The following SYNE1 variants were observed in gnomAD, a reference collection of about 807,000 sequenced individuals.
SYNE1 encodes the protein nesprin-1.
SYNE1 carries 616 observed loss-of-function variants against 1,111.0 expected under a neutral mutation model. The ratio of observed to expected loss-of-function variants is 0.55; its 90% CI spans 0.52 to 0.59. SYNE1 has a LOEUF of 0.59. Ranked by LOEUF, SYNE1 falls within the 20% of genes least tolerant of loss-of-function variation. SYNE1 has a pLI of 0.00. For missense variants in SYNE1, 10,006 were observed against 10,417.0 expected, an observed-to-expected ratio of 0.96 and a Z score of 1.72; for synonymous variants, 3,855 against 3,825.8, an observed-to-expected ratio of 1.01 and a Z score of -0.28.
At chr6:152,145,923 T>G (rs2747663) in intron 137 of SYNE1, 113,442 of 321,190 alleles carry the variant, frequency 0.35, 21,103 homozygotes, top group Admixed American at 0.47. Context: ...TACATGGGAG[T>G]CTGAGGCAGG....
At chr6:152,341,806 T>A (rs1254497789) in intron 74 of SYNE1, among the ~76,000 whole-genome samples, 1 of 152,166 alleles carries the variant, frequency 6.6e-6, no homozygotes, top group African/African-American at 2.4e-5. Context: ...GAAACAACTT[T>A]TGTTCTCATC....
chr6:152,409,751 C>T, intron 42 of SYNE1, 42 bp from the exon 43 acceptor site: 1 of 1,607,862 alleles, frequency 6.2e-7, no homozygotes, highest in African/African-American at 1.3e-5. Flanking sequence ...TGTCATGTAT[C>T]AGGAAAAGGG....
At chr6:152,596,267 T>G (rs1262862376) in intron 3 of SYNE1, among the ~76,000 whole-genome samples, 5 of 82,766 alleles carry the variant, frequency 6.0e-5, no homozygotes, top group African/African-American at 2.3e-4. Flanking sequence ...TTTTTGTTTG[T>G]TTGTTTTTTT....
At chr6:152,269,386 A>C in intron 98 of SYNE1, 100 bp from the exon 99 acceptor site, 1 of 1,588,936 alleles carries the variant, frequency 6.3e-7, no homozygotes, top group South Asian at 1.1e-5. Context: ...TAATGATACC[A>C]AAGTGGCTCC....
In SYNE1 at chr6:152,395,765, A is replaced by T. The variant is rs573168637; in HGVS notation, c.7557-94T>A. On this transcript the variant is annotated intron_variant, in intron 50 of 145. Coordinates refer to ENST00000367255, the MANE Select transcript of SYNE1 (RefSeq NM_182961.4). ...AGGTCACAATGTCTTTTAAATGGCA[A>T]TTAAGACCTCATGAATGTTCAAGTG... 1,684 of 1,325,554 alleles carry T rather than the reference A, an allele frequency of 1.3e-3. 6 individuals carry two copies. Among genetic ancestry groups the T allele is most frequent in the Non-Finnish European group, 1.6e-3 (1,435 of 925,642 alleles). The allele number at this position is 1,325,554 out of a possible 1,614,324, so 82.1% of individuals were successfully genotyped here.
intron 11 of SYNE1, among the ~76,000 whole-genome samples, chr6:152,497,091 CCTGCA>C (rs1262385593): frequency 6.6e-6 from 1 of 152,206 alleles, no homozygotes; most frequent in Non-Finnish European, 1.5e-5. Flanking sequence ...ACTCAGTCTG[CCTGCA>C]CTTGGGTGAT....
chr6:152,555,868 T>C (rs1216542960), intron 3 of SYNE1, among the ~76,000 whole-genome samples: 1 of 152,206 alleles, frequency 6.6e-6, no homozygotes, highest in African/African-American at 2.4e-5. Context: ...GTAAATTCCA[T>C]GTAGAAAAAC....
chr6:152,495,579 A>AGG (rs1312056801), intron 11 of SYNE1, among the ~76,000 whole-genome samples: 1 of 151,976 alleles, frequency 6.6e-6, no homozygotes, highest in Non-Finnish European at 1.5e-5. Context: ...CATTTCAATC[A>AGG]CCTGCTCCAC....
chr6:152,436,105 G>A lies in SYNE1; in HGVS notation c.4150-4C>T. The A allele has an allele frequency of 6.2e-7, 1 of 1,612,902 alleles. No homozygotes were observed. The highest frequency in any genetic ancestry group is 8.5e-7 in the Non-Finnish European group (1 of 1,179,754). On this transcript the variant is annotated splice_polypyrimidine_tract_variant and splice_region_variant and intron_variant, in intron 32 of 145. Transcript: ENST00000367255. ...TTTCTGTCCGTTTAGAAAACTCCTA[G>A]AAAAAATATTATGATCATTAGGTAG... is the stretch of plus-strand genomic sequence containing the variant.
At position 152,273,455 on chromosome 6, in the gene SYNE1, T is replaced by C. The variant is rs527437546; in HGVS notation, c.18574-4169A>G. Among the ~76,000 whole-genome samples the C allele has an allele frequency of 3.3e-5, 5 of 152,366 alleles. No individual in the cohort carries two copies. The East Asian group carries it at 5.8e-4, about 18-fold the overall frequency. On this transcript the variant is annotated intron_variant, in intron 98 of 145. Coordinates refer to ENST00000367255, the MANE Select transcript of SYNE1 (RefSeq NM_182961.4). The stretch of plus-strand genomic sequence containing the variant: ...TTCCACATGTTCTAAAGAATTTTTT[T>C]AAGTTAAATATTATTATCCATATTT...
rs569522848 is a variant in SYNE1, at chr6:152,370,019, A to G, written c.9508-405T>C. Among the ~76,000 whole-genome samples the G allele has an allele frequency of 2.8e-3, 432 of 151,646 alleles. 4 individuals are homozygous for G. Among genetic ancestry groups the G allele is most frequent in the African/African-American group, 9.3e-3 (384 of 41,276 alleles). ...AAAAAAAAAAAAAAATTCCACAAAA[A>G]AAAAACCAAGCCCGCTCCAAAGTCT... On this transcript the variant is annotated intron_variant, in intron 59 of 145. Transcript: ENST00000367255.
rs751724426 is a variant in SYNE1, at chr6:152,352,074, G to A, written c.11533C>T (p.Pro3845Ser). The change falls in exon 70 of 146, where the codon CCC becomes TCC. Residue 3845 changes from proline (P) to serine (S), a missense_variant. Around this residue, in one of 7 missense-constraint regions of SYNE1, gnomAD observed 4,955 missense variants for 5,017.2 expected, o/e 0.99. Transcript: ENST00000367255. ...TTTTTCTCATATAATTCCATTTTGG[G>A]TTCTTCAGGAACATGTAGAATTTCC... is the stretch of plus-strand genomic sequence containing the variant. ...YQEILHVPEEPKMELYEKKAQ... is the reference protein window; with the variant it reads ...YQEILHVPEESKMELYEKKAQ... 1 of 1,614,022 alleles carries A rather than the reference G, an allele frequency of 6.2e-7. No homozygotes were observed. Among genetic ancestry groups the A allele is most frequent in the Non-Finnish European group, 8.5e-7 (1 of 1,180,028 alleles).
intron 145 of SYNE1, chr6:152,128,765 G>A (rs9397486): frequency 0.39 from 59,166 of 152,018 alleles, 12,451 homozygotes; most frequent in African/African-American, 0.54. Context: ...GATTAAACAC[G>A]AGATATCTCA....
In SYNE1 at chr6:152,451,209, C is replaced by T. The variant is rs1380560355; in HGVS notation, c.3028-4G>A. 1.2e-6 allele frequency: 2 copies of T among 1,613,576 alleles called. No homozygotes were observed. Among genetic ancestry groups the T allele is most frequent in the Non-Finnish European group, 1.7e-6 (2 of 1,179,898 alleles). ...AAGGGGCTTCTCCTTGAAGATCCTA[C>T]ATTCCATAGGAAGATTCAGAAAATT... On this transcript the variant is annotated splice_region_variant and splice_polypyrimidine_tract_variant and intron_variant, in intron 25 of 145. Coordinates refer to ENST00000367255, the MANE Select transcript of SYNE1 (RefSeq NM_182961.4).
intron 95 of SYNE1, 113 bp downstream of exon 95, chr6:152,293,475 A>C: frequency 8.7e-7 from 1 of 1,146,706 alleles, no homozygotes; most frequent in Non-Finnish European, 1.3e-6. Context: ...TGATAAGGTT[A>C]AAAAATTTTT....
chr6:152,351,981 C>G, intron 70 of SYNE1, 46 bp downstream of exon 70: 1 of 1,588,764 alleles, frequency 6.3e-7, no homozygotes, highest in Non-Finnish European at 8.6e-7. Context: ...CCCATTTGGT[C>G]TCTGTGTGAC....
At chr6:152,432,853 T>C (rs558786003) in intron 34 of SYNE1, among the ~76,000 whole-genome samples, 5 of 152,252 alleles carry the variant, frequency 3.3e-5, no homozygotes, top group African/African-American at 1.2e-4. Flanking sequence ...TTTCCTGGTA[T>C]ACCAAAGAAG....
intron 6 of SYNE1, among the ~76,000 whole-genome samples, chr6:152,511,769 A>G (rs1414321819): frequency 2.6e-5 from 4 of 152,200 alleles, no homozygotes; most frequent in African/African-American, 9.6e-5. Context: ...GCCTATTAGC[A>G]TTCAGTTCCC....
At chr6:152,262,239 A>T (rs756667394) in intron 100 of SYNE1, 51 bp from the exon 101 acceptor site, 1 of 1,547,694 alleles carries the variant, frequency 6.5e-7, no homozygotes, top group South Asian at 1.1e-5. Flanking sequence ...AAAAAGTGAT[A>T]AGACAGGTAA....
Sources: gnomAD v4.1 joint callset for allele counts (sites outside exome capture counted in the v4.1 genomes callset) on GRCh38, gnomAD v4.1.1 for gene constraint, gnomAD v4.1.1 regional missense constraint, MANE v1.5 for transcripts, NCBI Gene and HGNC (gene_info 2026-07-23, HGNC 2026-07-21) for gene names.